The following SIRPA variants were observed in gnomAD, a reference collection of about 807,000 sequenced individuals.
The protein encoded by SIRPA is signal regulatory protein alpha.
In SIRPA, 9 loss-of-function variants were observed where a neutral mutation model predicts 50.3. The ratio of observed to expected loss-of-function variants is 0.18; its 90% CI spans 0.11 to 0.31. The LOEUF (loss-of-function observed/expected upper bound fraction) is 0.31. SIRPA is among the 10% of genes least tolerant of loss of function. SIRPA has a pLI of 1.00. For synonymous variants in SIRPA, 265 were observed against 284.1 expected (o/e 0.93, Z 0.68); for missense variants, 474 against 661.6 (o/e 0.72, Z 3.11).
intron 1 of SIRPA, among the ~76,000 whole-genome samples, chr20:1,910,431 G>A (rs751339183): frequency 3.3e-5 from 5 of 152,048 alleles, no homozygotes; most frequent in South Asian, 2.1e-4. Context: ...AAAACATGCC[G>A]ACCCCATCCT....
chr20:1,915,925 G>A (rs1265549040), intron 2 of SIRPA, among the ~76,000 whole-genome samples: 5 of 152,228 alleles, frequency 3.3e-5, no homozygotes, highest in African/African-American at 1.2e-4. Flanking sequence ...TCCACCCAGG[G>A]CAGGGAGCAG....
intron 2 of SIRPA, among the ~76,000 whole-genome samples, chr20:1,920,218 T>A (rs896269544): frequency 1.3e-5 from 2 of 152,134 alleles, no homozygotes; most frequent in African/African-American, 4.8e-5. Flanking sequence ...CCTGGATAAA[T>A]GGGAACTGAT....
At chr20:1,905,686 A>T (rs541278179) in intron 1 of SIRPA, among the ~76,000 whole-genome samples, 1 of 152,312 alleles carries the variant, frequency 6.6e-6, no homozygotes, top group Admixed American at 6.5e-5. Flanking sequence ...AGCCTAGTAG[A>T]TGTCAATGTC....
rs1399987153 is a variant in SIRPA at position 1,899,210 on chromosome 20, AAAAAAAAC to A, written c.79+3694_79+3701del. Among the ~76,000 whole-genome samples the A allele has an allele frequency of 1.5e-4, 23 of 151,878 alleles. No homozygotes were observed. In the South Asian group the frequency reaches 4.8e-3, roughly 32 times the overall value. The stretch of plus-strand genomic sequence containing the variant: ...GAGTGGGTCCAAGTTTTCTTTAAAA[AAAAAAAAC>A]AAAAAAACACAAAGCTGCCGTGAGG... On this transcript the variant is annotated intron_variant, in intron 1 of 7. Transcript: ENST00000358771.
At chr20:1,904,831 C>T (rs915455369) in intron 1 of SIRPA, among the ~76,000 whole-genome samples, 6 of 152,092 alleles carry the variant, frequency 3.9e-5, no homozygotes, top group Admixed American at 2.0e-4. Flanking sequence ...GCCTGCATGT[C>T]CTCCTGGCCC....
In SIRPA at chr20:1,934,783, G is replaced by A; in HGVS notation, c.1266+29G>A. On this transcript the variant is annotated intron_variant, in intron 7 of 7. Coordinates refer to ENST00000358771, the MANE Select transcript of SIRPA (RefSeq NM_001040023.2). This position sits in a 1 kb window ranked among gnomAD's most constrained non-coding sequence, Gnocchi z 4.6. ...CAGTCCTTGGTGAGATGCCCTTCCTGGGAAACTCCGTGGCGTGGTTGCTTC... is the reference window on the plus strand; with the variant it reads ...CAGTCCTTGGTGAGATGCCCTTCCTAGGAAACTCCGTGGCGTGGTTGCTTC... 1 of 1,613,392 alleles carries A rather than the reference G, an allele frequency of 6.2e-7. No individual in the cohort carries two copies. Among genetic ancestry groups the A allele is most frequent in the Non-Finnish European group, 8.5e-7 (1 of 1,179,570 alleles).
chr20:1,915,692 G>A (rs1001963884), intron 2 of SIRPA, among the ~76,000 whole-genome samples: 1 of 152,216 alleles, frequency 6.6e-6, no homozygotes, highest in Admixed American at 6.5e-5. Context: ...TGGCTGTGTA[G>A]CCCTGGCCTC....
intron 2 of SIRPA, 39 bp downstream of exon 2, chr20:1,915,494 A>G: frequency 6.2e-7 from 1 of 1,607,620 alleles, no homozygotes; most frequent in Non-Finnish European, 8.5e-7. Flanking sequence ...CTGGTTTGTG[A>G]CAGTAACTCA....
chr20:1,930,565 C>CT (rs1199880459), intron 6 of SIRPA, among the ~76,000 whole-genome samples: 1 of 152,122 alleles, frequency 6.6e-6, no homozygotes, highest in Non-Finnish European at 1.5e-5. Flanking sequence ...GAGGATCTCT[C>CT]TTTTTTGTTT....
At position 1,928,695 on chromosome 20, in the gene SIRPA, C is replaced by G. The variant is rs541155588; in HGVS notation, c.1226+796C>G. On this transcript the variant is annotated intron_variant, in intron 6 of 7. Transcript: ENST00000358771. This position sits in a 1 kb window ranked among gnomAD's most constrained non-coding sequence, Gnocchi z 4.9. ...TCTGAAAAGGGGATGCAAACGGGTG[C>G]CTGAAACTAGTGAGCTATGTTGGAC... Among the ~76,000 whole-genome samples, 5 of 152,164 alleles carry G rather than the reference C, an allele frequency of 3.3e-5. No homozygotes were observed. The highest frequency in any genetic ancestry group is 1.3e-4 in the Admixed American group (2 of 15,282).
At chr20:1,930,128 C>T (rs2267911) in intron 6 of SIRPA, among the ~76,000 whole-genome samples, 73,029 of 151,910 alleles carry the variant, frequency 0.48, 18,117 homozygotes, top group East Asian at 0.77. Context: ...GTGAATGGCA[C>T]CCCCTGGAGT....
intron 6 of SIRPA, among the ~76,000 whole-genome samples, chr20:1,929,442 C>T (rs918176415): frequency 5.3e-5 from 8 of 152,212 alleles, no homozygotes; most frequent in African/African-American, 1.9e-4. Flanking sequence ...CAGTGGAGTG[C>T]TGTATCCTGA....
At chr20:1,912,877 CG>C (rs1307104430) in intron 1 of SIRPA, among the ~76,000 whole-genome samples, 1 of 152,196 alleles carries the variant, frequency 6.6e-6, no homozygotes, top group African/African-American at 2.4e-5. Context: ...CAGACCTATC[CG>C]GAAAGTTCCT....
chr20:1,919,913 T>C (rs1473726484), intron 2 of SIRPA, among the ~76,000 whole-genome samples: 1 of 152,234 alleles, frequency 6.6e-6, no homozygotes, highest in African/African-American at 2.4e-5. Flanking sequence ...GTTTCTGCTC[T>C]GCTTTGTTCT....
Position 1,937,273 on chromosome 20 carries a change from A to G in SIRPA, c.1267-47A>G. ...AGTTTGAGTGAGTGGGCCAGGGGCT[A>G]TAGAATGACCTTCTCATGACTTTCT... is the stretch of plus-strand genomic sequence containing the variant. On this transcript the variant is annotated intron_variant, in intron 7 of 7. Transcript: ENST00000358771. This position sits in a 1 kb window ranked among gnomAD's most constrained non-coding sequence, Gnocchi z 8.3. 6.3e-7 allele frequency: 1 copy of G among 1,587,846 alleles called. No homozygotes were observed. The highest frequency in any genetic ancestry group is 2.2e-5 in the East Asian group (1 of 44,566).
At chr20:1,901,772 C>A (rs771222738) in intron 1 of SIRPA, among the ~76,000 whole-genome samples, 2 of 152,118 alleles carry the variant, frequency 1.3e-5, no homozygotes, top group Non-Finnish European at 2.9e-5. Flanking sequence ...CACATTCGTT[C>A]GGGGGCGCAG....
In SIRPA at chr20:1,898,978, G is replaced by A. The variant is rs745948201; in HGVS notation, c.79+3452G>A. Among the ~76,000 whole-genome samples the A allele has an allele frequency of 6.6e-6, 1 of 152,000 alleles. No homozygotes were observed. The highest frequency in any genetic ancestry group is 6.5e-5 in the Admixed American group (1 of 15,270). On this transcript the variant is annotated intron_variant, in intron 1 of 7. Transcript: ENST00000358771. This position sits in a 1 kb window ranked among gnomAD's most constrained non-coding sequence, Gnocchi z 4.3. ...TTTGCGACAGATGGAGAGGGGGTGT[G>A]CGAGAGGAAGGGAGTCTAAAAGTGT... is the stretch of plus-strand genomic sequence containing the variant.
chr20:1,901,163 CTTTTTTTTTTTT>C (rs869181595), intron 1 of SIRPA, among the ~76,000 whole-genome samples: 404 of 78,910 alleles, frequency 5.1e-3, no homozygotes, highest in African/African-American at 0.019. Flanking sequence ...TTCTTTCTTT[CTTTTTTTTTTTT>C]TTTTTTTTTT....
At chr20:1,915,530 C>A in intron 2 of SIRPA, 75 bp downstream of exon 2, 2 of 1,536,840 alleles carry the variant, frequency 1.3e-6, no homozygotes, top group Non-Finnish European at 1.8e-6. Context: ...ATTCTTTGAG[C>A]AATGATCAGG....
Sources: gnomAD v4.1 joint callset for allele counts (sites outside exome capture counted in the v4.1 genomes callset) on GRCh38, gnomAD v4.1.1 for gene constraint, Gnocchi (gnomAD v3.1) non-coding constraint, MANE v1.5 for transcripts, NCBI Gene and HGNC (gene_info 2026-07-23, HGNC 2026-07-21) for gene names.